ARSG: variants seen among roughly 807,000 people sequenced by gnomAD.
The protein encoded by ARSG is ASG.
In ARSG, 37 loss-of-function variants were observed where a neutral mutation model predicts 50.5. The observed-to-expected ratio is 0.73, with a 90% CI of 0.56 to 0.96. The LOEUF is 0.96. Ranked by LOEUF, ARSG falls within the 50% of genes least tolerant of loss-of-function variation. The pLI is 0.00. For missense variants in ARSG, 629 were observed against 675.3 expected, an observed-to-expected ratio of 0.93 and a Z score of 0.76; for synonymous variants, 225 against 254.6, an observed-to-expected ratio of 0.88 and a Z score of 1.11.
At chr17:68,318,537 T>G (rs1362358722) in intron 2 of ARSG, among the ~76,000 whole-genome samples, 1 of 152,190 alleles carries the variant, frequency 6.6e-6, no homozygotes, top group Non-Finnish European at 1.5e-5. Context: ...GAATGCCCAG[T>G]GATCGTGAGA....
At chr17:68,353,532 CA>C (rs2078895497) in intron 5 of ARSG, among the ~76,000 whole-genome samples, 1 of 152,022 alleles carries the variant, frequency 6.6e-6, no homozygotes, top group African/African-American at 2.4e-5. Context: ...AAAACAAAAA[CA>C]AAAACCAGCC....
At chr17:68,407,243 A>G (rs1568588020) in intron 11 of ARSG, among the ~76,000 whole-genome samples, 1 of 152,140 alleles carries the variant, frequency 6.6e-6, no homozygotes, top group Non-Finnish European at 1.5e-5. Flanking sequence ...CTATTTTTAT[A>G]CCAGTACTAT....
chr17:68,265,110 C>T (rs1191921541), intron 1 of ARSG, among the ~76,000 whole-genome samples: 50 of 140,580 alleles, frequency 3.6e-4, no homozygotes, highest in Non-Finnish European at 6.9e-4. Context: ...GCGGAGATCA[C>T]GCCACTGCAC....
downstream of ARSG, chr17:68,427,065 G>A: frequency 2.3e-6 from 3 of 1,281,268 alleles, no homozygotes; most frequent in Non-Finnish European, 3.4e-6. Flanking sequence ...GAAGGGGAGG[G>A]AGCGTGCAGG....
At position 68,291,574 on chromosome 17, in the gene ARSG, C is replaced by G. The variant is rs2075991945; in HGVS notation, c.-552+6C>G. On this transcript the variant is annotated splice_donor_region_variant and intron_variant, in intron 1 of 11. Coordinates refer to ENST00000621439, the MANE Select transcript of ARSG (RefSeq NM_001267727.2). Reference sequence around the variant, plus strand: ...TGGGCTGGGGGTCACGAAAGGTAACCGCGTCGCGGTCCGGGGCCGGGCCGC... The same window carrying G: ...TGGGCTGGGGGTCACGAAAGGTAACGGCGTCGCGGTCCGGGGCCGGGCCGC... The G allele has an allele frequency of 6.6e-6, 1 of 151,104 alleles. No individual in the cohort carries two copies. Among genetic ancestry groups the G allele is most frequent in the South Asian group, 2.1e-4 (1 of 4,812 alleles). The allele number at this position is 151,104 out of a possible 1,614,324, so 9.4% of individuals were successfully genotyped here.
At chr17:68,410,030 A>G (rs1171446980) in intron 11 of ARSG, among the ~76,000 whole-genome samples, 7 of 151,356 alleles carry the variant, frequency 4.6e-5, no homozygotes, top group South Asian at 2.1e-4. Flanking sequence ...GGGCTGAGAC[A>G]ATGGGGTTTT....
chr17:68,264,520 A>C (rs1427558371), intron 1 of ARSG, among the ~76,000 whole-genome samples: 1 of 151,622 alleles, frequency 6.6e-6, no homozygotes, highest in African/African-American at 2.4e-5. Context: ...GCTCACCACA[A>C]CCTCCATCTC....
In ARSG at chr17:68,420,707, G is replaced by A; in HGVS notation, c.*244G>A. The A allele has an allele frequency of 1.9e-6, 1 of 522,092 alleles. No individual in the cohort carries two copies. The highest frequency in any genetic ancestry group is 1.9e-5 in the African/African-American group (1 of 52,416). The allele number at this position is 522,092 out of a possible 1,614,324, so 32.3% of individuals were successfully genotyped here. On this transcript the variant is annotated 3_prime_UTR_variant, in exon 12 of 12. Coordinates refer to ENST00000621439, the MANE Select transcript of ARSG (RefSeq NM_001267727.2). ...GGGAAGCACACGGGCTTTGGAGTCA[G>A]GCACAGGTGCCAGCTCCAGCTTTTG...
the ARSG span, among the ~76,000 whole-genome samples, chr17:68,438,220 C>T: frequency 4.0e-5 from 6 of 150,880 alleles, no homozygotes; most frequent in South Asian, 4.2e-4. Flanking sequence ...GGCTGAGCCC[C>T]GGAACCTTTA....
chr17:68,327,054 C>T lies in ARSG; in HGVS notation c.219-16550C>T, dbSNP rs2077533460. On this transcript the variant is annotated intron_variant, in intron 2 of 11. Coordinates refer to ENST00000621439, the MANE Select transcript of ARSG (RefSeq NM_001267727.2). ...TTCCGAAGTCAAAGTCAGGGCTTAT[C>T]CTCCTGGAGGGTAAGGAAAGACTTT... Among the ~76,000 whole-genome samples, 3 of 152,162 alleles carry T rather than the reference C, an allele frequency of 2.0e-5. No individual in the cohort carries two copies. In the South Asian group the frequency reaches 6.2e-4, roughly 31 times the overall value.
At chr17:68,450,586 C>G in the ARSG span, 1 of 1,136,400 alleles carries the variant, frequency 8.8e-7, no homozygotes, top group Non-Finnish European at 1.2e-6. Flanking sequence ...TTACAATACC[C>G]CCGGGACACG....
rs1364900669 is a variant in ARSG at position 68,367,379 on chromosome 17, G to A, written c.705-1169G>A. On this transcript the variant is annotated intron_variant, in intron 6 of 11. Transcript: ENST00000621439. This position sits in a 1 kb window ranked among gnomAD's most constrained non-coding sequence, Gnocchi z 4.5. The stretch of plus-strand genomic sequence containing the variant: ...CCAGGGTGAGCTAAGGAGAACCCTG[G>A]GGCCAACTGAATCTCTGCGTGAACT... Among the ~76,000 whole-genome samples, 5 of 152,246 alleles carry A rather than the reference G, an allele frequency of 3.3e-5. No individual in the cohort carries two copies. The highest frequency in any genetic ancestry group is 9.6e-5 in the African/African-American group (4 of 41,540).
At chr17:68,426,964 T>TA (rs1433957988), downstream of ARSG, among the ~76,000 whole-genome samples, 2 of 151,260 alleles carry the variant, frequency 1.3e-5, no homozygotes, top group Non-Finnish European at 2.9e-5. Context: ...TGTGAGAAAA[T>TA]AAAAAATTCA....
intron 1 of ARSG, among the ~76,000 whole-genome samples, chr17:68,272,314 T>TGTAG (rs782542264): frequency 6.6e-6 from 1 of 152,210 alleles, no homozygotes; most frequent in Non-Finnish European, 1.5e-5. Flanking sequence ...CCACATTGAA[T>TGTAG]GTAGCTCTTT....
the ARSG span, chr17:68,436,576 C>T: frequency 1.8e-6 from 2 of 1,105,728 alleles, no homozygotes; most frequent in Non-Finnish European, 2.7e-6. Context: ...ACAGTGCCAC[C>T]TACTGGCAAG....
intron 11 of ARSG, among the ~76,000 whole-genome samples, chr17:68,409,265 T>C (rs1418392720): frequency 7.1e-6 from 1 of 139,988 alleles, no homozygotes; most frequent in Non-Finnish European, 1.5e-5. Context: ...GTCTAACGTT[T>C]AAGTCTTTAA....
intron 1 of ARSG, among the ~76,000 whole-genome samples, chr17:68,295,007 A>C (rs960288094): frequency 6.6e-6 from 1 of 152,192 alleles, no homozygotes; most frequent in Non-Finnish European, 1.5e-5. Flanking sequence ...GGCTTAGTAC[A>C]GTTGCTAAGT....
intron 1 of ARSG, chr17:68,270,731 A>C: frequency 1.0e-6 from 1 of 955,450 alleles, no homozygotes; most frequent in African/African-American, 1.7e-5. Context: ...TCTAAAATTC[A>C]ATGGAAATAT....
intron 8 of ARSG, chr17:68,379,769 A>G (rs2080340553): frequency 1.1e-6 from 1 of 946,728 alleles, no homozygotes; most frequent in Non-Finnish European, 1.3e-6. Context: ...GACATTCAGC[A>G]TTAGTTAAAT....
Sources: allele counts gnomAD v4.1 joint callset (sites outside exome capture counted in the v4.1 genomes callset), GRCh38; gene constraint gnomAD v4.1.1; non-coding constraint Gnocchi (gnomAD v3.1); transcripts MANE v1.5; gene names NCBI Gene and HGNC (gene_info 2026-07-23, HGNC 2026-07-21).